Variants in PRKCE observed in about 807,000 individuals in gnomAD.
The protein encoded by PRKCE is protein kinase C epsilon, also known as protein kinase C epsilon type.
A neutral mutation model predicts 85.4 loss-of-function variants in PRKCE; 16 were observed. That is an observed-to-expected ratio of 0.19 (90% confidence interval 0.13 to 0.28). PRKCE has a LOEUF of 0.28. Among genes scored for constraint, PRKCE ranks in the 10% least tolerant of loss-of-function variants. The probability of loss-of-function intolerance (pLI) is 1.00; values close to 1 mark genes in which losing one functional copy is unlikely to be tolerated. For synonymous variants in PRKCE, 388 were observed against 371.5 expected (o/e 1.04, Z -0.51); for missense variants, 573 against 975.2 (o/e 0.59, Z 5.49).
At chr2:45,916,704 C>T (rs1257058753) in intron 2 of PRKCE, among the ~76,000 whole-genome samples, 1 of 152,184 alleles carries the variant, frequency 6.6e-6, no homozygotes, top group Non-Finnish European at 1.5e-5. Flanking sequence ...AGTCTAAACA[C>T]AATAAAGCCC....
rs141733567 is a variant in PRKCE, at chr2:46,041,149, C to T, written c.1437+30632C>T. On this transcript the variant is annotated intron_variant, in intron 10 of 14. Coordinates refer to ENST00000306156, the MANE Select transcript of PRKCE (RefSeq NM_005400.3). The surrounding 1 kb of genome is among the most constrained non-coding windows in gnomAD (Gnocchi z 5.5). Reference sequence around the variant, plus strand: ...GGTCTTCAAGTTCACAGCAGGGATGCAGTCTCCAGTTTTTCTCATATTTGT... The same window carrying T: ...GGTCTTCAAGTTCACAGCAGGGATGTAGTCTCCAGTTTTTCTCATATTTGT... Among the ~76,000 whole-genome samples, 7 of 152,326 alleles carry T rather than the reference C, an allele frequency of 4.6e-5. No homozygotes were observed. The highest frequency in any genetic ancestry group is 6.5e-5 in the Admixed American group (1 of 15,300).
chr2:45,719,693 A>G (rs1337284025), intron 1 of PRKCE, among the ~76,000 whole-genome samples: 7 of 152,204 alleles, frequency 4.6e-5, no homozygotes, highest in Non-Finnish European at 8.8e-5. Flanking sequence ...ATGGCTTGGA[A>G]GAAATTTTCT....
At chr2:45,708,301 G>A (rs774868100) in intron 1 of PRKCE, among the ~76,000 whole-genome samples, 18 of 152,178 alleles carry the variant, frequency 1.2e-4, no homozygotes, top group Non-Finnish European at 1.8e-4. Context: ...TGGGAAAACA[G>A]CTAGACTACA....
intron 1 of PRKCE, among the ~76,000 whole-genome samples, chr2:45,798,312 A>G (rs1026552959): frequency 1.3e-5 from 2 of 152,364 alleles, no homozygotes; most frequent in South Asian, 4.1e-4. Context: ...TTTTAGAGAT[A>G]TAGAAACTGA....
At chr2:46,103,564 T>A (rs1350209341) in intron 11 of PRKCE, among the ~76,000 whole-genome samples, 10 of 152,022 alleles carry the variant, frequency 6.6e-5, no homozygotes, top group Non-Finnish European at 1.5e-5. Context: ...TGGGAGTGAG[T>A]GAGCAAATAT....
intron 11 of PRKCE, among the ~76,000 whole-genome samples, chr2:46,119,884 G>A (rs3768750): frequency 0.31 from 47,347 of 152,080 alleles, 8,108 homozygotes; most frequent in Middle Eastern, 0.47. Flanking sequence ...GTTGAAGTCT[G>A]TAATGATAAT....
At chr2:45,710,518 C>A (rs1038195488) in intron 1 of PRKCE, among the ~76,000 whole-genome samples, 2 of 152,146 alleles carry the variant, frequency 1.3e-5, no homozygotes, top group Admixed American at 1.3e-4. Flanking sequence ...GCTCTATTTT[C>A]TTCTGTATAT....
At chr2:45,913,386 G>A (rs1697519823) in intron 2 of PRKCE, among the ~76,000 whole-genome samples, 1 of 152,208 alleles carries the variant, frequency 6.6e-6, no homozygotes, top group Admixed American at 6.5e-5. Flanking sequence ...CTGGGCTCAA[G>A]CGATCCACCC....
chr2:45,976,901 G>GTCTTGTTTTGAGACAGAGTC (rs1702497539), intron 3 of PRKCE, among the ~76,000 whole-genome samples: 2 of 138,070 alleles, frequency 1.4e-5, no homozygotes. Flanking sequence ...GTGTGTGTGT[G>GTCTTGTTTTGAGACAGAGTC]TGTGTCTTGT....
At position 45,902,081 on chromosome 2, in the gene PRKCE, AT is replaced by A; in HGVS notation, c.412+59019del. On this transcript the variant is annotated intron_variant, in intron 2 of 14. Coordinates refer to ENST00000306156, the MANE Select transcript of PRKCE (RefSeq NM_005400.3). ...CAAACTAGGAAATTATTTCACCCTC[AT>A]AAAAATCTCCAACCCTCTCAGGTCT... 1.3e-5 allele frequency among the ~76,000 whole-genome samples: 2 copies of A among 152,278 alleles called. 1 individual carries two copies. The highest frequency in any genetic ancestry group is 2.9e-5 in the Non-Finnish European group (2 of 68,022).
intron 1 of PRKCE, among the ~76,000 whole-genome samples, chr2:45,761,306 G>A (rs375750353): frequency 6.2e-4 from 70 of 112,598 alleles, no homozygotes; most frequent in African/African-American, 2.2e-3. Context: ...CAGCCTGGGC[G>A]ACAGAGCGAG....
At chr2:45,747,672 T>C (rs1265457872) in intron 1 of PRKCE, among the ~76,000 whole-genome samples, 2 of 152,232 alleles carry the variant, frequency 1.3e-5, no homozygotes, top group African/African-American at 4.8e-5. Flanking sequence ...AACATGGGTA[T>C]ACAACTATCT....
chr2:45,682,900 T>C (rs982956601), intron 1 of PRKCE, among the ~76,000 whole-genome samples: 1 of 152,174 alleles, frequency 6.6e-6, no homozygotes, highest in African/African-American at 2.4e-5. Context: ...CCACGGTAAA[T>C]TGAGGTGTTC....
chr2:46,164,160 C>T (rs1371052259), intron 14 of PRKCE, among the ~76,000 whole-genome samples: 1 of 152,198 alleles, frequency 6.6e-6, no homozygotes, highest in Non-Finnish European at 1.5e-5. Flanking sequence ...TAGATCCCGA[C>T]ATTGGGAAAA....
chr2:45,779,838 AAT>A (rs1267695209), intron 1 of PRKCE, among the ~76,000 whole-genome samples: 2 of 152,320 alleles, frequency 1.3e-5, no homozygotes, highest in African/African-American at 4.8e-5. Flanking sequence ...AAAATTCAAA[AAT>A]ATATCACAGT....
At chr2:46,102,446 TAGAAC>T (rs1251934827) in intron 11 of PRKCE, among the ~76,000 whole-genome samples, 1 of 152,216 alleles carries the variant, frequency 6.6e-6, no homozygotes, top group South Asian at 2.1e-4. Context: ...GTTGCAAAGA[TAGAAC>T]AGAGAGTTGC....
intron 11 of PRKCE, among the ~76,000 whole-genome samples, chr2:46,115,361 AT>A (rs949756819): frequency 4.6e-5 from 7 of 152,082 alleles, no homozygotes; most frequent in African/African-American, 1.7e-4. Flanking sequence ...AAAACCTAAC[AT>A]TTTTTTGTAC....
At chr2:45,937,129 C>A (rs904134464) in intron 2 of PRKCE, among the ~76,000 whole-genome samples, 2 of 152,180 alleles carry the variant, frequency 1.3e-5, no homozygotes, top group Non-Finnish European at 2.9e-5. Flanking sequence ...AGAAAAGATT[C>A]CATGTCCATC....
intron 11 of PRKCE, among the ~76,000 whole-genome samples, chr2:46,134,822 C>T (rs112220119): frequency 0.023 from 3,523 of 152,320 alleles, 124 homozygotes; most frequent in African/African-American, 0.079. Context: ...GTAAGTGTCA[C>T]GACGGATCGT....
Sources: allele counts gnomAD v4.1 joint callset (sites outside exome capture counted in the v4.1 genomes callset), GRCh38; gene constraint gnomAD v4.1.1; non-coding constraint Gnocchi (gnomAD v3.1); transcripts MANE v1.5; gene names NCBI Gene and HGNC (gene_info 2026-07-23, HGNC 2026-07-21).